CDH3: variants seen among roughly 807,000 people sequenced by gnomAD.
CDH3 encodes cadherin 3.
Under a neutral mutation model 82.0 loss-of-function variants are expected in CDH3, and 54 were observed. The ratio of observed to expected loss-of-function variants is 0.66; its 90% CI spans 0.53 to 0.83. The LOEUF is 0.83. Ranked by LOEUF, CDH3 falls within the 40% of genes least tolerant of loss-of-function variation. The probability of loss-of-function intolerance (pLI) is 0.00; values close to 1 mark genes in which losing one functional copy is unlikely to be tolerated. For missense variants in CDH3, 1,054 were observed against 1,084.6 expected, an observed-to-expected ratio of 0.97 and a Z score of 0.40; for synonymous variants, 446 against 437.9, an observed-to-expected ratio of 1.02 and a Z score of -0.23.
intron 14 of CDH3, 74 bp downstream of exon 14, chr16:68,695,459 A>G (rs1422693949): frequency 1.4e-5 from 21 of 1,472,772 alleles, no homozygotes; most frequent in Admixed American, 1.2e-4. Flanking sequence ...GGGTCAACCA[A>G]CTGACCAAGT....
intron 2 of CDH3, chr16:68,651,644 G>T (rs957830115): frequency 9.8e-6 from 5 of 508,626 alleles, no homozygotes; most frequent in Non-Finnish European, 2.0e-5. Flanking sequence ...CCTCAAACAG[G>T]TCCATGGGGT....
At chr16:68,660,239 G>A (rs1960525063) in intron 2 of CDH3, among the ~76,000 whole-genome samples, 2 of 152,092 alleles carry the variant, frequency 1.3e-5, no homozygotes, top group South Asian at 4.1e-4. Flanking sequence ...GTAAACTTAA[G>A]GTTACTATAC....
chr16:68,729,617 T>C (rs558460995), downstream of CDH3, among the ~76,000 whole-genome samples: 22 of 152,218 alleles, frequency 1.4e-4, no homozygotes, highest in Admixed American at 1.4e-3. Flanking sequence ...GGCTCTTGCT[T>C]GGATCTTGAT....
intron 2 of CDH3, among the ~76,000 whole-genome samples, chr16:68,658,062 CTTTT>C (rs113679101): frequency 1.6e-5 from 2 of 126,140 alleles, no homozygotes; most frequent in Admixed American, 8.2e-5. Flanking sequence ...CTTTTTCTTT[CTTTT>C]TTTTTTTTTT....
chr16:68,648,768 C>T (rs1209168704), intron 2 of CDH3, among the ~76,000 whole-genome samples: 1 of 151,998 alleles, frequency 6.6e-6, no homozygotes, highest in East Asian at 1.9e-4. Context: ...TTTTTACTAC[C>T]AGAAAGCAGG....
intron 1 of CDH3, among the ~76,000 whole-genome samples, chr16:68,721,290 G>C (rs1454810321): frequency 7.0e-6 from 1 of 142,284 alleles, no homozygotes; most frequent in Non-Finnish European, 1.5e-5. Context: ...CTGGAGTGCA[G>C]TAGCACGATC....
chr16:68,697,188 C>T (rs966618139), intron 15 of CDH3, among the ~76,000 whole-genome samples: 1 of 151,538 alleles, frequency 6.6e-6, no homozygotes, highest in Non-Finnish European at 1.5e-5. Flanking sequence ...GCTGGGCGTC[C>T]TGGTGGGCGC....
downstream of CDH3, among the ~76,000 whole-genome samples, chr16:68,700,887 C>T (rs1473783401): frequency 6.6e-6 from 1 of 152,086 alleles, no homozygotes; most frequent in Admixed American, 6.6e-5. Flanking sequence ...GATGAGAAAG[C>T]TCACCTGTCC....
downstream of CDH3, among the ~76,000 whole-genome samples, chr16:68,703,992 A>G (rs1291678989): frequency 6.6e-6 from 1 of 151,126 alleles, no homozygotes. Flanking sequence ...GGGCGAGTAA[A>G]AGAGTTAATA....
At chr16:68,662,072 G>A (rs1390573964) in intron 2 of CDH3, among the ~76,000 whole-genome samples, 1 of 152,178 alleles carries the variant, frequency 6.6e-6, no homozygotes, top group African/African-American at 2.4e-5. Flanking sequence ...TTTTTCACTG[G>A]GGAATCTGAT....
chr16:68,704,979 T>A (rs1961942852), downstream of CDH3, among the ~76,000 whole-genome samples: 5 of 152,084 alleles, frequency 3.3e-5, no homozygotes, highest in South Asian at 1.0e-3. Context: ...GGAGGATCCC[T>A]TGAGCCTAGG....
downstream of CDH3, among the ~76,000 whole-genome samples, chr16:68,704,606 A>AG (rs1961938338): frequency 6.6e-6 from 1 of 152,258 alleles, no homozygotes; most frequent in Non-Finnish European, 1.5e-5. Context: ...GGAGAGAGGA[A>AG]GGGAACAGTG....
chr16:68,655,909 A>G (rs952812600), intron 2 of CDH3, among the ~76,000 whole-genome samples: 2 of 152,152 alleles, frequency 1.3e-5, no homozygotes, highest in African/African-American at 4.8e-5. Flanking sequence ...GGAGTGATAT[A>G]GAGTCACATA....
chr16:68,677,599 G>A (rs915001858), intron 3 of CDH3, among the ~76,000 whole-genome samples: 5 of 152,142 alleles, frequency 3.3e-5, no homozygotes, highest in African/African-American at 9.7e-5. Flanking sequence ...TTAGCTGGGC[G>A]TGGTGGCAGA....
chr16:68,728,436 A>T (rs907701233), downstream of CDH3, among the ~76,000 whole-genome samples: 1 of 152,014 alleles, frequency 6.6e-6, no homozygotes, highest in Non-Finnish European at 1.5e-5. Context: ...AAGTGCTGGG[A>T]TTGACAGGCG....
intron 12 of CDH3, among the ~76,000 whole-genome samples, chr16:68,688,145 C>T (rs1194313819): frequency 1.3e-5 from 2 of 151,032 alleles, no homozygotes; most frequent in Admixed American, 1.3e-4. Context: ...CACAGGAAGG[C>T]GGTTGGGCTA....
chr16:68,680,887 T>C, intron 7 of CDH3, 81 bp from the exon 8 acceptor site: 1 of 1,505,072 alleles, frequency 6.6e-7, no homozygotes, highest in Non-Finnish European at 9.2e-7. Flanking sequence ...CACACACCCA[T>C]GAGCCAGTGC....
intron 12 of CDH3, among the ~76,000 whole-genome samples, chr16:68,691,011 CTT>C (rs561915097): frequency 4.7e-4 from 64 of 137,562 alleles, no homozygotes; most frequent in East Asian, 1.9e-3. Context: ...CCTTTACTTT[CTT>C]TTTTTTTTTT....
chr16:68,701,088 A>G (rs1034570790), downstream of CDH3, among the ~76,000 whole-genome samples: 8 of 152,108 alleles, frequency 5.3e-5, no homozygotes, highest in African/African-American at 1.2e-4. Flanking sequence ...CAGAAACTCT[A>G]TCTTCAGCAG....
Sources: allele counts gnomAD v4.1 joint callset (sites outside exome capture counted in the v4.1 genomes callset), GRCh38; gene constraint gnomAD v4.1.1; transcripts MANE v1.5; gene names NCBI Gene and HGNC (gene_info 2026-07-23, HGNC 2026-07-21).